ELP3: variants seen among roughly 807,000 people sequenced by gnomAD.
ELP3 encodes the protein elongator complex protein 3.
In ELP3, 56 loss-of-function variants were observed where a neutral mutation model predicts 74.9. The observed-to-expected ratio is 0.75, with a 90% CI of 0.60 to 0.93. The LOEUF (loss-of-function observed/expected upper bound fraction) is 0.93, where lower values mean the gene tolerates loss of function less well. Among genes scored for constraint, ELP3 ranks in the 40% least tolerant of loss-of-function variants. The pLI is 0.00. For synonymous variants in ELP3, 222 were observed against 239.8 expected (o/e 0.93, Z 0.68); for missense variants, 573 against 686.5 (o/e 0.83, Z 1.85).
intron 10 of ELP3, among the ~76,000 whole-genome samples, chr8:28,154,185 A>G (rs1327892358): frequency 6.6e-6 from 1 of 152,202 alleles, no homozygotes; most frequent in Non-Finnish European, 1.5e-5. Context: ...ATGTTAATGA[A>G]TCAGCTATAT....
At chr8:28,116,239 A>G (rs1346650500) in intron 7 of ELP3, among the ~76,000 whole-genome samples, 2 of 152,208 alleles carry the variant, frequency 1.3e-5, no homozygotes, top group African/African-American at 4.8e-5. Flanking sequence ...ATTTAATACC[A>G]AGGGTAGCTC....
At chr8:28,101,491 A>G (rs1203369976) in intron 3 of ELP3, among the ~76,000 whole-genome samples, 1 of 152,154 alleles carries the variant, frequency 6.6e-6, no homozygotes, top group Non-Finnish European at 1.5e-5. Context: ...TTTCTACCCT[A>G]GGGCAACCAT....
rs139559582 is a variant in ELP3 at position 28,094,641 on chromosome 8, C to T, written c.19+1408C>T. On this transcript the variant is annotated intron_variant, in intron 1 of 14. Transcript: ENST00000256398. ...TGGGAGGCTGAGGCTGAGGCTGAGG[C>T]AGAGGCGGGAGAATCACTTGAACCT... is the stretch of plus-strand genomic sequence containing the variant. 1.8e-3 allele frequency among the ~76,000 whole-genome samples: 268 copies of T among 152,000 alleles called. 1 individual carries two copies. Among genetic ancestry groups the T allele is most frequent in the African/African-American group, 6.2e-3 (256 of 41,440 alleles).
At chr8:28,162,800 G>A (rs1244375115) in intron 14 of ELP3, among the ~76,000 whole-genome samples, 1 of 152,140 alleles carries the variant, frequency 6.6e-6, no homozygotes, top group Admixed American at 6.5e-5. Flanking sequence ...AAGAGCTAAG[G>A]GTGATAAACG....
At chr8:28,142,767 T>TAATTA (rs1813293604) in intron 10 of ELP3, among the ~76,000 whole-genome samples, 1 of 152,240 alleles carries the variant, frequency 6.6e-6, no homozygotes, top group Admixed American at 6.5e-5. Flanking sequence ...AAGACTAATA[T>TAATTA]GTTCATAGTA....
chr8:28,145,588 A>G (rs899899446), intron 10 of ELP3, among the ~76,000 whole-genome samples: 1 of 151,894 alleles, frequency 6.6e-6, no homozygotes, highest in African/African-American at 2.4e-5. Flanking sequence ...TGACTGGTGA[A>G]GCTGAACTTA....
chr8:28,153,179 A>G (rs531267503), intron 10 of ELP3, among the ~76,000 whole-genome samples: 1 of 152,350 alleles, frequency 6.6e-6, no homozygotes, highest in African/African-American at 2.4e-5. Flanking sequence ...AGGCAGACTC[A>G]GGGTCTGCCT....
At chr8:28,091,715 G>A (rs904846260), upstream of ELP3, among the ~76,000 whole-genome samples, 2 of 152,144 alleles carry the variant, frequency 1.3e-5, no homozygotes, top group Non-Finnish European at 2.9e-5. Context: ...TCTGGAGAAC[G>A]TAAACCAAAC....
intron 14 of ELP3, among the ~76,000 whole-genome samples, chr8:28,175,487 G>A (rs1814707623): frequency 6.6e-6 from 1 of 152,040 alleles, no homozygotes; most frequent in African/African-American, 2.4e-5. Flanking sequence ...TATAATTCCT[G>A]TCTATTGACA....
At chr8:28,093,709 A>G (rs1336736221) in intron 1 of ELP3, 1 of 164,048 alleles carries the variant, frequency 6.1e-6, no homozygotes, top group African/African-American at 2.4e-5. Context: ...GCAATGAACA[A>G]TTCCACCTTT....
At chr8:28,112,188 A>AGGC (rs1436763379) in intron 6 of ELP3, among the ~76,000 whole-genome samples, 4 of 151,926 alleles carry the variant, frequency 2.6e-5, no homozygotes, top group Non-Finnish European at 5.9e-5. Context: ...CTTGTTGCCC[A>AGGC]GGCTGGAGTG....
In ELP3 at chr8:28,095,936, G is replaced by A. The variant is rs1461953888; in HGVS notation, c.20-1283G>A. Among the ~76,000 whole-genome samples, 4 of 152,186 alleles carry A rather than the reference G, an allele frequency of 2.6e-5. No homozygotes were observed. In the East Asian group the frequency reaches 7.7e-4, roughly 29 times the overall value. ...AGTACCGGTTCATGGCCTGTTAGGA[G>A]CTGAGCCAGACAGAAGAAGGTGAGC... On this transcript the variant is annotated intron_variant, in intron 1 of 14. Coordinates refer to ENST00000256398, the MANE Select transcript of ELP3 (RefSeq NM_018091.6).
chr8:28,092,248 T>C (rs1445520095), upstream of ELP3, among the ~76,000 whole-genome samples: 1 of 147,164 alleles, frequency 6.8e-6, no homozygotes, highest in Non-Finnish European at 1.5e-5. Context: ...TTGTTGTTGT[T>C]GAGACAGGGT....
rs185105959 is a variant in ELP3 at position 28,136,631 on chromosome 8, A to C, written c.907-1067A>C. Reference sequence around the variant, plus strand: ...AGCATTTAAGAACGTGACAGATGTCAATGAGAGATGGAAAAGTCTATTGTT... The same window carrying C: ...AGCATTTAAGAACGTGACAGATGTCCATGAGAGATGGAAAAGTCTATTGTT... On this transcript the variant is annotated intron_variant, in intron 9 of 14. Coordinates refer to ENST00000256398, the MANE Select transcript of ELP3 (RefSeq NM_018091.6). 2.0e-4 allele frequency among the ~76,000 whole-genome samples: 31 copies of C among 152,360 alleles called. No individual in the cohort carries two copies. The East Asian group carries it at 6.0e-3, about 29-fold the overall frequency.
At chr8:28,172,581 A>C (rs1165703596) in intron 14 of ELP3, among the ~76,000 whole-genome samples, 1 of 152,084 alleles carries the variant, frequency 6.6e-6, no homozygotes, top group African/African-American at 2.4e-5. Flanking sequence ...ATATAAGGTC[A>C]TGTCATCTTG....
intron 9 of ELP3, among the ~76,000 whole-genome samples, chr8:28,134,103 C>T (rs1812887772): frequency 6.6e-6 from 1 of 152,174 alleles, no homozygotes; most frequent in African/African-American, 2.4e-5. Flanking sequence ...GTCCCTCCGC[C>T]TGCCCCCCAC....
chr8:28,179,543 G>A (rs1450976316), intron 14 of ELP3, among the ~76,000 whole-genome samples: 1 of 152,020 alleles, frequency 6.6e-6, no homozygotes, highest in Non-Finnish European at 1.5e-5. Context: ...CAGGATTCAA[G>A]TGCGTTACAT....
At chr8:28,092,878 G>A (rs1811096037), upstream of ELP3, 1 of 357,330 alleles carries the variant, frequency 2.8e-6, no homozygotes, top group African/African-American at 2.2e-5. Context: ...AGGCTTCCTG[G>A]CGCAGCCTCT....
At chr8:28,107,231 G>C (rs1050194563) in intron 4 of ELP3, among the ~76,000 whole-genome samples, 4 of 152,194 alleles carry the variant, frequency 2.6e-5, no homozygotes, top group Non-Finnish European at 5.9e-5. Context: ...CTGGGCAACA[G>C]AGTGAGACTC....
Sources: gnomAD v4.1 joint callset for allele counts (sites outside exome capture counted in the v4.1 genomes callset) on GRCh38, gnomAD v4.1.1 for gene constraint, MANE v1.5 for transcripts, NCBI Gene and HGNC (gene_info 2026-07-23, HGNC 2026-07-21) for gene names.